Variants in ARHGEF37 observed in about 807,000 individuals in gnomAD.
The protein encoded by ARHGEF37 is Rho guanine nucleotide exchange factor (GEF) 37.
Under a neutral mutation model 71.1 loss-of-function variants are expected in ARHGEF37, and 55 were observed. The ratio of observed to expected loss-of-function variants is 0.77; its 90% confidence interval spans 0.62 to 0.97. The LOEUF (loss-of-function observed/expected upper bound fraction) is 0.97, where lower values mean the gene tolerates loss of function less well. ARHGEF37 is among the 50% of genes least tolerant of loss of function. The pLI is 0.00. For synonymous variants in ARHGEF37, 327 were observed against 350.6 expected (o/e 0.93, Z 0.75); for missense variants, 765 against 836.8 (o/e 0.91, Z 1.06).
At chr5:149,562,386 G>A (rs1437658160) in intron 1 of ARHGEF37, among the ~76,000 whole-genome samples, 2 of 152,158 alleles carry the variant, frequency 1.3e-5, no homozygotes, top group East Asian at 3.8e-4. Context: ...TGTATCCATC[G>A]TAGGTGTGAG....
intron 4 of ARHGEF37, among the ~76,000 whole-genome samples, chr5:149,615,464 T>A (rs1269150817): frequency 1.3e-5 from 2 of 152,160 alleles, no homozygotes; most frequent in Non-Finnish European, 2.9e-5. Context: ...CCACCTAAAA[T>A]TAACAAGTGT....
intron 1 of ARHGEF37, among the ~76,000 whole-genome samples, chr5:149,562,480 G>T (rs1202215201): frequency 6.6e-6 from 1 of 151,780 alleles, no homozygotes; most frequent in East Asian, 1.9e-4. Flanking sequence ...ACGGAGTCTC[G>T]CTCTGTCGCC....
At chr5:149,626,035 C>T (rs1752674000) in intron 10 of ARHGEF37, among the ~76,000 whole-genome samples, 2 of 152,208 alleles carry the variant, frequency 1.3e-5, no homozygotes, top group Non-Finnish European at 2.9e-5. Flanking sequence ...CACCACTGTT[C>T]TCAAAGAAAA....
chr5:149,590,800 C>T (rs1425905872), intron 1 of ARHGEF37, among the ~76,000 whole-genome samples: 7 of 152,092 alleles, frequency 4.6e-5, no homozygotes, highest in Non-Finnish European at 8.8e-5. Flanking sequence ...GGTTTCACCA[C>T]GTTGCCCACT....
At chr5:149,556,452 A>AT (rs1265202158) in intron 1 of ARHGEF37, among the ~76,000 whole-genome samples, 2 of 151,672 alleles carry the variant, frequency 1.3e-5, no homozygotes, top group East Asian at 3.9e-4. Flanking sequence ...CAATGGTGCA[A>AT]TTTTGCCTCA....
At chr5:149,584,438 C>T (rs1269175126) in intron 1 of ARHGEF37, among the ~76,000 whole-genome samples, 1 of 152,140 alleles carries the variant, frequency 6.6e-6, no homozygotes, top group Non-Finnish European at 1.5e-5. Flanking sequence ...GCCTCACTTC[C>T]AATCATTTAT....
At chr5:149,573,240 C>T (rs1033126559) in intron 1 of ARHGEF37, among the ~76,000 whole-genome samples, 9 of 152,318 alleles carry the variant, frequency 5.9e-5, no homozygotes, top group African/African-American at 1.9e-4. Context: ...CATTAGGCCC[C>T]ACCTCCCAAC....
intron 2 of ARHGEF37, among the ~76,000 whole-genome samples, chr5:149,598,740 ATATATATATC>A (rs202183446): frequency 0.24 from 31,111 of 130,778 alleles, 3,644 homozygotes; most frequent in East Asian, 0.42. Flanking sequence ...TAAATCTCAT[ATATATATATC>A]TATATATAGA....
At chr5:149,570,028 T>C (rs1762943241) in intron 1 of ARHGEF37, among the ~76,000 whole-genome samples, 1 of 152,182 alleles carries the variant, frequency 6.6e-6, no homozygotes, top group African/African-American at 2.4e-5. Flanking sequence ...CTAATGTGTA[T>C]GCAGTAGTAA....
intron 1 of ARHGEF37, among the ~76,000 whole-genome samples, chr5:149,569,989 GT>G (rs1762942934): frequency 6.6e-6 from 1 of 152,106 alleles, no homozygotes; most frequent in African/African-American, 2.4e-5. Flanking sequence ...TATATTGGAT[GT>G]TTTTAGTATT....
intron 4 of ARHGEF37, among the ~76,000 whole-genome samples, chr5:149,616,170 C>T (rs1037243246): frequency 3.3e-5 from 5 of 151,958 alleles, no homozygotes; most frequent in Non-Finnish European, 5.9e-5. Context: ...CAGGGCACTC[C>T]GGCATTGGAG....
chr5:149,589,755 G>T (rs1580896405), intron 1 of ARHGEF37, among the ~76,000 whole-genome samples: 1 of 152,150 alleles, frequency 6.6e-6, no homozygotes. Flanking sequence ...CCGACCTAAG[G>T]TGATCCTCCC....
intron 4 of ARHGEF37, among the ~76,000 whole-genome samples, chr5:149,612,415 C>T (rs1487230581): frequency 6.6e-6 from 1 of 152,212 alleles, no homozygotes; most frequent in Admixed American, 6.5e-5. Context: ...GATCCGCCCA[C>T]CTCGGCCTCC....
At chr5:149,572,472 GT>G (rs1762979343) in intron 1 of ARHGEF37, among the ~76,000 whole-genome samples, 1 of 152,150 alleles carries the variant, frequency 6.6e-6, no homozygotes, top group South Asian at 2.1e-4. Flanking sequence ...GTAATATCAG[GT>G]GGAAGTATGA....
intron 1 of ARHGEF37, among the ~76,000 whole-genome samples, chr5:149,570,459 A>C (rs113746217): frequency 0.055 from 8,296 of 151,140 alleles, 650 homozygotes; most frequent in East Asian, 0.41. Context: ...ACCTGTAATC[A>C]CAGCTACTCA....
intron 4 of ARHGEF37, among the ~76,000 whole-genome samples, chr5:149,613,640 C>T (rs1039193358): frequency 3.2e-4 from 49 of 152,014 alleles, no homozygotes; most frequent in African/African-American, 7.2e-5. Flanking sequence ...CCACGGCGCC[C>T]GTCTGATAGA....
chr5:149,621,552 C>T (rs895583542), intron 8 of ARHGEF37, among the ~76,000 whole-genome samples, 181 bp from the exon 9 acceptor site: 2 of 152,184 alleles, frequency 1.3e-5, no homozygotes, highest in African/African-American at 2.4e-5. Flanking sequence ...TTACATGCAT[C>T]GTCCCCATTT....
At chr5:149,555,745 G>T (rs1358964853) in intron 1 of ARHGEF37, among the ~76,000 whole-genome samples, 1 of 152,136 alleles carries the variant, frequency 6.6e-6, no homozygotes, top group Non-Finnish European at 1.5e-5. Context: ...AAGAGAAAAA[G>T]GAAAGAGTAG....
intron 1 of ARHGEF37, among the ~76,000 whole-genome samples, chr5:149,553,346 G>A: frequency 6.6e-6 from 1 of 152,022 alleles, no homozygotes. Flanking sequence ...GTTACAGTGA[G>A]CCGAGATCGT....
Sources: gnomAD v4.1 joint callset for allele counts (sites outside exome capture counted in the v4.1 genomes callset) on GRCh38, gnomAD v4.1.1 for gene constraint, MANE v1.5 for transcripts, NCBI Gene and HGNC (gene_info 2026-07-23, HGNC 2026-07-21) for gene names.